EFNA5: variants seen among roughly 807,000 people sequenced by gnomAD.
EFNA5 encodes the protein ephrin-A5.
Under a neutral mutation model 22.9 loss-of-function variants are expected in EFNA5, and 5 were observed. The observed-to-expected ratio is 0.22, with a 90% CI of 0.11 to 0.46. EFNA5 has a LOEUF of 0.46. EFNA5 is among the 20% of genes least tolerant of loss of function. The pLI, the probability that EFNA5 is intolerant of heterozygous loss-of-function variation, is 0.99. For synonymous variants in EFNA5, 113 were observed against 112.2 expected, an observed-to-expected ratio of 1.01 and a Z score of -0.04; for missense variants, 237 against 293.3, an observed-to-expected ratio of 0.81 and a Z score of 1.40.
At chr5:107,447,684 A>G (rs1359072603) in intron 1 of EFNA5, among the ~76,000 whole-genome samples, 1 of 152,198 alleles carries the variant, frequency 6.6e-6, no homozygotes, top group Non-Finnish European at 1.5e-5. Context: ...TGCAGGATGG[A>G]CGAAGGGGAG....
At chr5:107,609,307 T>A (rs1749781703) in intron 1 of EFNA5, among the ~76,000 whole-genome samples, 1 of 152,198 alleles carries the variant, frequency 6.6e-6, no homozygotes, top group African/African-American at 2.4e-5. Flanking sequence ...TTACTATCAA[T>A]AATTTCCATT....
At chr5:107,528,529 A>C (rs1175579640) in intron 1 of EFNA5, among the ~76,000 whole-genome samples, 1 of 152,208 alleles carries the variant, frequency 6.6e-6, no homozygotes, top group Non-Finnish European at 1.5e-5. Flanking sequence ...ACAGTCTTAT[A>C]TGTGTACTGT....
chr5:107,617,397 T>G (rs887706722), intron 1 of EFNA5, among the ~76,000 whole-genome samples: 4 of 152,134 alleles, frequency 2.6e-5, no homozygotes, highest in Non-Finnish European at 5.9e-5. Flanking sequence ...TTTAAAAACC[T>G]GGAGAGATAT....
intron 2 of EFNA5, among the ~76,000 whole-genome samples, chr5:107,406,935 AAT>A (rs1338250424): frequency 6.6e-6 from 1 of 152,232 alleles, no homozygotes; most frequent in Non-Finnish European, 1.5e-5. Flanking sequence ...AAAAAAGTGA[AAT>A]AAAAAGTCTA....
intron 1 of EFNA5, among the ~76,000 whole-genome samples, chr5:107,444,675 A>G (rs1749344918): frequency 6.6e-6 from 1 of 152,240 alleles, no homozygotes; most frequent in Non-Finnish European, 1.5e-5. Context: ...TTATAAAACC[A>G]GTAAGCACAG....
At chr5:107,602,750 C>T (rs148708328) in intron 1 of EFNA5, among the ~76,000 whole-genome samples, 147 of 151,994 alleles carry the variant, frequency 9.7e-4, no homozygotes, top group Middle Eastern at 6.8e-3. Flanking sequence ...AAAGGAAAGC[C>T]GATTTGGGAT....
At chr5:107,570,961 T>G (rs1748789601) in intron 1 of EFNA5, among the ~76,000 whole-genome samples, 1 of 152,220 alleles carries the variant, frequency 6.6e-6, no homozygotes, top group African/African-American at 2.4e-5. Context: ...GAAAGCCATC[T>G]AAGATTTGAG....
intron 1 of EFNA5, among the ~76,000 whole-genome samples, chr5:107,554,525 G>A (rs1748366686): frequency 6.6e-6 from 1 of 152,162 alleles, no homozygotes; most frequent in South Asian, 2.1e-4. Context: ...TAATGGTGAG[G>A]TTTCTCTATT....
chr5:107,586,216 T>C (rs1209681421), intron 1 of EFNA5, among the ~76,000 whole-genome samples: 1 of 152,090 alleles, frequency 6.6e-6, no homozygotes, highest in African/African-American at 2.4e-5. Flanking sequence ...GTAAAACTCA[T>C]GAAGTAAAGA....
chr5:107,471,650 T>C (rs1329977969), intron 1 of EFNA5, among the ~76,000 whole-genome samples: 1 of 152,196 alleles, frequency 6.6e-6, no homozygotes, highest in Non-Finnish European at 1.5e-5. Context: ...GAACTACTTC[T>C]ACTAATAGGT....
At chr5:107,445,453 A>C (rs535461178) in intron 1 of EFNA5, among the ~76,000 whole-genome samples, 10 of 152,210 alleles carry the variant, frequency 6.6e-5, no homozygotes, top group Non-Finnish European at 1.2e-4. Context: ...CTATGTCCAA[A>C]AAGGAAGAGG....
intron 2 of EFNA5, among the ~76,000 whole-genome samples, chr5:107,389,452 T>C (rs75928884): frequency 0.014 from 2,152 of 152,268 alleles, 14 homozygotes; most frequent in Non-Finnish European, 0.021. Context: ...AAGTGACACA[T>C]GGATGTTCAC....
At position 107,592,018 on chromosome 5, in the gene EFNA5, ATAATATATAT is replaced by A. The variant is rs1561443272; in HGVS notation, c.125+78461_125+78470del. ...ATATATAATATATAATATATATAAT[ATAATATATAT>A]TATATATTATATATATTATACATTA... On this transcript the variant is annotated intron_variant, in intron 1 of 4. Coordinates refer to ENST00000333274, the MANE Select transcript of EFNA5 (RefSeq NM_001962.3). Among the ~76,000 whole-genome samples, 45 of 61,372 alleles carry A rather than the reference ATAATATATAT, an allele frequency of 7.3e-4. 1 individual carries two copies. Among genetic ancestry groups the A allele is most frequent in the African/African-American group, 3.4e-3 (41 of 12,058 alleles). The allele number at this position is 61,372 out of a possible 152,430, so 40.3% of individuals were successfully genotyped here. A position where few individuals can be genotyped will look rare whatever the true frequency, so the allele number is the denominator to read the frequency against.
chr5:107,520,217 C>T (rs144820125), intron 1 of EFNA5, among the ~76,000 whole-genome samples: 5 of 152,280 alleles, frequency 3.3e-5, no homozygotes, highest in Admixed American at 2.0e-4. Context: ...GGCTTTCTCT[C>T]GCTGTACTTG....
Position 107,571,022 on chromosome 5 carries a change from G to A in EFNA5, c.125+99467C>T, listed in dbSNP as rs557574026. 3.9e-5 allele frequency among the ~76,000 whole-genome samples: 6 copies of A among 152,310 alleles called. No individual in the cohort carries two copies. The South Asian group carries it at 1.2e-3, about 32-fold the overall frequency. On this transcript the variant is annotated intron_variant, in intron 1 of 4. Coordinates refer to ENST00000333274, the MANE Select transcript of EFNA5 (RefSeq NM_001962.3). Reference sequence around the variant, plus strand: ...GGGGGTACCTGTTGCAGTTGCACGGGTGCACTCTCTCTTCTCTCTCTCTCT... The same window carrying A: ...GGGGGTACCTGTTGCAGTTGCACGGATGCACTCTCTCTTCTCTCTCTCTCT...
intron 1 of EFNA5, among the ~76,000 whole-genome samples, chr5:107,659,558 C>T (rs187207859): frequency 2.1e-5 from 3 of 146,138 alleles, no homozygotes; most frequent in East Asian, 4.0e-4. Context: ...TCTACAGGCC[C>T]AGAGACAATA....
At chr5:107,453,938 GGAGTGT>G (rs202184950) in intron 1 of EFNA5, among the ~76,000 whole-genome samples, 3,384 of 123,274 alleles carry the variant, frequency 0.027, 108 homozygotes, top group African/African-American at 0.1. Context: ...GCAAACTGAA[GGAGTGT>G]GAGTGTGTGT....
At chr5:107,642,802 T>C (rs992463880) in intron 1 of EFNA5, among the ~76,000 whole-genome samples, 7 of 152,150 alleles carry the variant, frequency 4.6e-5, no homozygotes, top group Non-Finnish European at 1.0e-4. Context: ...CTATTAAGTC[T>C]TTTAGGGATC....
intron 1 of EFNA5, among the ~76,000 whole-genome samples, chr5:107,526,111 A>G (rs1356949635): frequency 6.6e-6 from 1 of 152,212 alleles, no homozygotes; most frequent in African/African-American, 2.4e-5. Context: ...ACAGAAATCA[A>G]CAGAAACTTA....
Sources: gnomAD v4.1 joint callset for allele counts (sites outside exome capture counted in the v4.1 genomes callset) on GRCh38, gnomAD v4.1.1 for gene constraint, MANE v1.5 for transcripts, NCBI Gene and HGNC (gene_info 2026-07-23, HGNC 2026-07-21) for gene names.